Variants in ARFGAP3 observed in about 807,000 individuals in gnomAD.
The protein encoded by ARFGAP3 is ADP-ribosylation factor GTPase-activating protein 3.
Under a neutral mutation model 75.0 loss-of-function variants are expected in ARFGAP3, and 72 were observed. The observed-to-expected ratio is 0.96, with a 90% confidence interval of 0.79 to 1.17. ARFGAP3 has a LOEUF of 1.17. Ranked by LOEUF, ARFGAP3 falls within the 50% of genes most tolerant of loss-of-function variation. The probability of loss-of-function intolerance (pLI) is 0.00; values close to 1 mark genes in which losing one functional copy is unlikely to be tolerated. For missense variants in ARFGAP3, 620 were observed against 626.6 expected (o/e 0.99, Z 0.11); for synonymous variants, 221 against 217.9 (o/e 1.01, Z -0.13).
rs1602141543 is a variant in ARFGAP3, at chr22:42,856,663, G to A, written c.69+451C>T. On this transcript the variant is annotated intron_variant, in intron 1 of 15. Coordinates refer to ENST00000263245, the MANE Select transcript of ARFGAP3 (RefSeq NM_014570.5). ...AGGCAGGCACCGCAAGGCCCGAGGA[G>A]CCAAGCCGGCTCCAACAGGCGGGGT... Among the ~76,000 whole-genome samples, 6 of 152,338 alleles carry A rather than the reference G, an allele frequency of 3.9e-5. No individual in the cohort carries two copies. In the South Asian group the frequency reaches 1.0e-3, roughly 26 times the overall value.
chr22:42,798,451 G>A lies in ARFGAP3; in HGVS notation c.1533+588C>T, dbSNP rs546519669. On this transcript the variant is annotated intron_variant, in intron 15 of 15. Coordinates refer to ENST00000263245, the MANE Select transcript of ARFGAP3 (RefSeq NM_014570.5). ...TAAACAAGAAGGTGCAAAGAAACGA[G>A]CCACTCATATCGTCACAGATGGCCT... Among the ~76,000 whole-genome samples, 8 of 152,358 alleles carry A rather than the reference G, an allele frequency of 5.3e-5. No homozygotes were observed. In the South Asian group the frequency reaches 1.7e-3, roughly 32 times the overall value.
chr22:42,856,210 A>AT (rs1265954361), intron 1 of ARFGAP3, among the ~76,000 whole-genome samples: 1 of 152,180 alleles, frequency 6.6e-6, no homozygotes, highest in Non-Finnish European at 1.5e-5. Context: ...CCCCTGTACC[A>AT]TCAAGACTTA....
chr22:42,807,307 C>T, intron 13 of ARFGAP3, 144 bp from the exon 14 acceptor site: 7 of 1,432,800 alleles, frequency 4.9e-6, no homozygotes, highest in Non-Finnish European at 6.4e-6. Flanking sequence ...ACTGCCAAGG[C>T]CAGGTCCTGC....
At chr22:42,834,140 T>C (rs890146426) in intron 5 of ARFGAP3, 102 bp downstream of exon 5, 2 of 1,088,720 alleles carry the variant, frequency 1.8e-6, no homozygotes, top group South Asian at 3.1e-5. Context: ...TCAGCACTTC[T>C]TGTTACAAGA....
At chr22:42,819,674 A>T (rs1281533679) in intron 9 of ARFGAP3, among the ~76,000 whole-genome samples, 1 of 152,176 alleles carries the variant, frequency 6.6e-6, no homozygotes, top group African/African-American at 2.4e-5. Flanking sequence ...AAACTGCTAG[A>T]AGGAGACCAG....
At chr22:42,826,786 T>G (rs981363321) in intron 7 of ARFGAP3, among the ~76,000 whole-genome samples, 154 bp downstream of exon 7, 2 of 152,158 alleles carry the variant, frequency 1.3e-5, no homozygotes, top group Admixed American at 1.3e-4. Context: ...CATATATATA[T>G]AGTATCTTTT....
chr22:42,834,135 ACTT>A, intron 5 of ARFGAP3, 104 bp downstream of exon 5: 1 of 1,023,038 alleles, frequency 9.8e-7, no homozygotes, highest in Non-Finnish European at 1.5e-6. Context: ...ATGTTTCAGC[ACTT>A]CTTGTTACAA....
At chr22:42,813,475 T>C (rs1395256452) in intron 11 of ARFGAP3, among the ~76,000 whole-genome samples, 2 of 152,244 alleles carry the variant, frequency 1.3e-5, no homozygotes, top group Admixed American at 6.5e-5. Context: ...AGCAACACTC[T>C]AAGGAAATAA....
intron 2 of ARFGAP3, among the ~76,000 whole-genome samples, chr22:42,843,148 G>C (rs987674356): frequency 6.6e-6 from 1 of 150,746 alleles, no homozygotes; most frequent in Non-Finnish European, 1.5e-5. Flanking sequence ...TCCTGATGCT[G>C]TCTCCTGCTC....
intron 2 of ARFGAP3, among the ~76,000 whole-genome samples, chr22:42,845,367 G>A (rs1926966315): frequency 1.3e-5 from 2 of 151,696 alleles, no homozygotes; most frequent in South Asian, 2.1e-4. Flanking sequence ...TCTACTAAAA[G>A]TACAAAACTT....
chr22:42,824,425 G>A (rs1382870666), intron 7 of ARFGAP3, among the ~76,000 whole-genome samples: 1 of 151,838 alleles, frequency 6.6e-6, no homozygotes, highest in East Asian at 1.9e-4. Flanking sequence ...AGTGTGATCA[G>A]AGCTCACTGC....
chr22:42,803,130 A>C (rs1304987361), intron 14 of ARFGAP3, among the ~76,000 whole-genome samples: 2 of 152,024 alleles, frequency 1.3e-5, no homozygotes, highest in African/African-American at 4.8e-5. Flanking sequence ...GAGTAATTGG[A>C]ACTATAGGCA....
chr22:42,851,028 G>A (rs1289026420), intron 1 of ARFGAP3, among the ~76,000 whole-genome samples: 2 of 152,214 alleles, frequency 1.3e-5, no homozygotes, highest in Non-Finnish European at 2.9e-5. Context: ...CAAACAAAAC[G>A]ACAGACTCTG....
chr22:42,845,772 G>A (rs552566969), intron 2 of ARFGAP3, among the ~76,000 whole-genome samples: 2 of 152,098 alleles, frequency 1.3e-5, no homozygotes, highest in East Asian at 3.9e-4. Flanking sequence ...AGGCACAGTG[G>A]CTCACGCCCG....
intron 11 of ARFGAP3, among the ~76,000 whole-genome samples, chr22:42,816,604 G>A (rs1925590318): frequency 6.6e-6 from 1 of 152,190 alleles, no homozygotes; most frequent in South Asian, 2.1e-4. Flanking sequence ...CTAGAGTTAT[G>A]CATTTTGTCT....
At chr22:42,808,998 G>A in intron 12 of ARFGAP3, 108 bp from the exon 13 acceptor site, 5 of 1,272,694 alleles carry the variant, frequency 3.9e-6, no homozygotes, top group South Asian at 2.8e-5. Context: ...TTTTGTAAAA[G>A]GATTTTAGGC....
intron 11 of ARFGAP3, among the ~76,000 whole-genome samples, chr22:42,812,224 CAAAAAAAAAAA>C (rs3046479): frequency 1.8e-5 from 1 of 56,630 alleles, no homozygotes; most frequent in Non-Finnish European, 3.2e-5. Flanking sequence ...GATACTGTCT[CAAAAAAAAAAA>C]AAAAAAAAAA....
At chr22:42,820,037 G>T (rs1925744146) in intron 9 of ARFGAP3, among the ~76,000 whole-genome samples, 1 of 152,180 alleles carries the variant, frequency 6.6e-6, no homozygotes, top group South Asian at 2.1e-4. Context: ...TTTTCAGGAA[G>T]ATTAGCATGT....
chr22:42,841,796 G>GAAAGA (rs1338175852), intron 2 of ARFGAP3, among the ~76,000 whole-genome samples: 1 of 151,382 alleles, frequency 6.6e-6, no homozygotes, highest in Non-Finnish European at 1.5e-5. Context: ...GGGCAAGGAA[G>GAAAGA]AAAGAAAAGA....
Sources: allele counts gnomAD v4.1 joint callset (sites outside exome capture counted in the v4.1 genomes callset), GRCh38; gene constraint gnomAD v4.1.1; transcripts MANE v1.5; gene names NCBI Gene and HGNC (gene_info 2026-07-23, HGNC 2026-07-21).